Variants in SYNE2 observed in about 807,000 individuals in gnomAD.
The protein encoded by SYNE2 is nesprin-2.
SYNE2 carries 431 observed loss-of-function variants against 856.3 expected under a neutral mutation model. The observed-to-expected ratio is 0.50, with a 90% CI of 0.47 to 0.55. The LOEUF (loss-of-function observed/expected upper bound fraction) is 0.55, where lower values mean the gene tolerates loss of function less well. SYNE2 is among the 20% of genes least tolerant of loss of function. SYNE2 has a pLI of 0.00. For synonymous variants in SYNE2, 2,923 were observed against 2,872.3 expected, an observed-to-expected ratio of 1.02 and a Z score of -0.56; for missense variants, 8,129 against 8,023.2, an observed-to-expected ratio of 1.01 and a Z score of -0.50.
At chr14:63,936,665 G>A (rs1389415054) in intron 2 of SYNE2, among the ~76,000 whole-genome samples, 1 of 152,198 alleles carries the variant, frequency 6.6e-6, no homozygotes, top group Non-Finnish European at 1.5e-5. Context: ...ATGGTGCTGG[G>A]GCTTGTAGCC....
chr14:63,872,849 C>T (rs2094620019), intron 1 of SYNE2, among the ~76,000 whole-genome samples: 1 of 151,128 alleles, frequency 6.6e-6, no homozygotes, highest in South Asian at 2.1e-4. Context: ...GCTATCTTTC[C>T]TCTCAACTGT....
chr14:63,888,425 A>G (rs1213261739), intron 1 of SYNE2, among the ~76,000 whole-genome samples: 1 of 152,132 alleles, frequency 6.6e-6, no homozygotes, highest in African/African-American at 2.4e-5. Flanking sequence ...GCTTGGTTAT[A>G]TTCTAGCCTG....
At chr14:63,849,720 G>A (rs150189453), upstream of SYNE2, among the ~76,000 whole-genome samples, 20 of 152,292 alleles carry the variant, frequency 1.3e-4, no homozygotes, top group East Asian at 2.9e-3. Context: ...GAGATCGGGC[G>A]ACAGGGAGGA....
At chr14:64,026,309 T>G (rs1024417238) in intron 41 of SYNE2, among the ~76,000 whole-genome samples, 4 of 152,198 alleles carry the variant, frequency 2.6e-5, no homozygotes, top group Admixed American at 6.5e-5. Flanking sequence ...GGAAGAGGTT[T>G]TGCCAGGGTT....
At chr14:63,773,613 A>AT (rs1887002711) in intron 1 of SYNE2, among the ~76,000 whole-genome samples, 1 of 152,150 alleles carries the variant, frequency 6.6e-6, no homozygotes, top group Admixed American at 6.6e-5. Context: ...TATAGTGATT[A>AT]TTTACAAGTG....
rs1288182390 is a variant in SYNE2, at chr14:64,002,994, A to G, written c.4061A>G (p.Gln1354Arg). 1 of 1,614,216 alleles carries G rather than the reference A, an allele frequency of 6.2e-7. No homozygotes were observed. The highest frequency in any genetic ancestry group is 8.5e-7 in the Non-Finnish European group (1 of 1,180,032). The change falls in exon 30 of 116, where the codon CAA becomes CGA. Residue 1354 changes from glutamine to arginine, a missense_variant. Around this residue, in one of 3 missense-constraint regions of SYNE2, gnomAD observed 2,422 missense variants for 2,357.4 expected, o/e 1.03. Transcript: ENST00000555002. ...TCAGCCTCAGATACACAGGTGGCAC[A>G]AGAAAATACGTTGACAGTAAAAAAT... ...DLSASDTQVA[Q>R]ENTLTVKNKE...
chr14:63,781,290 AAAAG>A (rs1439766223), intron 1 of SYNE2, among the ~76,000 whole-genome samples: 12 of 152,112 alleles, frequency 7.9e-5, no homozygotes, highest in Admixed American at 4.6e-4. Context: ...AAAAAAAAAA[AAAAG>A]AAAGATTTGT....
rs549700716 is a variant in SYNE2, at chr14:64,040,501, C to A, written c.7222-7499C>A. On this transcript the variant is annotated intron_variant, in intron 45 of 115. Transcript: ENST00000555002. Reference sequence around the variant, plus strand: ...AATTAAGCAGCAAATTTGACATAGTCTGAAGAGACTTAGTTAGAATATATG... The same window carrying A: ...AATTAAGCAGCAAATTTGACATAGTATGAAGAGACTTAGTTAGAATATATG... Among the ~76,000 whole-genome samples, 18 of 151,418 alleles carry A rather than the reference C, an allele frequency of 1.2e-4. No individual in the cohort carries two copies. In the South Asian group the frequency reaches 3.7e-3, roughly 31 times the overall value.
At chr14:64,028,248 C>T (rs983403060) in intron 43 of SYNE2, among the ~76,000 whole-genome samples, 26 of 151,428 alleles carry the variant, frequency 1.7e-4, no homozygotes, top group African/African-American at 6.3e-4. Context: ...TTTGATTGAT[C>T]CTGTTTATTT....
chr14:63,956,691 G>GA (rs901083757), intron 8 of SYNE2, among the ~76,000 whole-genome samples: 13 of 145,994 alleles, frequency 8.9e-5, no homozygotes, highest in African/African-American at 1.3e-4. Flanking sequence ...AAAATATTTG[G>GA]AAAAAAAAAA....
chr14:64,041,857 AAAAAAG>A (rs1363756536), intron 45 of SYNE2, among the ~76,000 whole-genome samples: 1 of 151,964 alleles, frequency 6.6e-6, no homozygotes, highest in East Asian at 1.9e-4. Flanking sequence ...CTTAAAAAAA[AAAAAAG>A]AAAAAAGAAA....
At chr14:63,852,609 C>T (rs954321009), upstream of SYNE2, among the ~76,000 whole-genome samples, 2 of 152,164 alleles carry the variant, frequency 1.3e-5, no homozygotes, top group Admixed American at 6.5e-5. Flanking sequence ...ATGACTTGCT[C>T]ATGGTCTGGT....
intron 1 of SYNE2, among the ~76,000 whole-genome samples, chr14:63,866,668 T>C (rs913357896): frequency 5.3e-5 from 8 of 152,160 alleles, no homozygotes; most frequent in Admixed American, 5.2e-4. Flanking sequence ...TTGAAAATAA[T>C]GATAAAACAG....
rs962756182 is a variant in SYNE2 at position 63,996,441 on chromosome 14, T to C, written c.2941-506T>C. ...AATTCCAGGCATCTTAGAAGGCCAC[T>C]TAGTTCCTTCACTGCCTGGTCCAGG... On this transcript the variant is annotated intron_variant, in intron 23 of 115. Coordinates refer to ENST00000555002, the MANE Select transcript of SYNE2 (RefSeq NM_182914.3). 1.1e-4 allele frequency among the ~76,000 whole-genome samples: 16 copies of C among 152,190 alleles called. 1 individual carries two copies. Among genetic ancestry groups the C allele is most frequent in the Admixed American group, 9.2e-4 (14 of 15,288 alleles).
intron 113 of SYNE2, 64 bp from the exon 114 acceptor site, chr14:64,224,397 C>CTA (rs1403924728): frequency 1.6e-6 from 2 of 1,232,842 alleles, no homozygotes; most frequent in African/African-American, 1.5e-5. Context: ...GGAGGGTGAG[C>CTA]TATATCATGA....
intron 1 of SYNE2, among the ~76,000 whole-genome samples, chr14:63,831,688 T>C (rs1332560983): frequency 1.3e-5 from 2 of 151,618 alleles, no homozygotes; most frequent in African/African-American, 4.8e-5. Flanking sequence ...CCTGAGTAGC[T>C]GATACTACAG....
intron 34 of SYNE2, among the ~76,000 whole-genome samples, chr14:64,019,155 C>T (rs2096917243): frequency 6.6e-6 from 1 of 152,044 alleles, no homozygotes; most frequent in Non-Finnish European, 1.5e-5. Flanking sequence ...TGCCTTTAAT[C>T]CCAGCTATAT....
chr14:64,149,388 C>A (rs1394184217), intron 84 of SYNE2, among the ~76,000 whole-genome samples: 4 of 152,170 alleles, frequency 2.6e-5, no homozygotes, highest in African/African-American at 9.7e-5. Flanking sequence ...CAGAATGCTT[C>A]AGTTCAGGTA....
At chr14:64,190,033 C>T (rs775324506) in intron 98 of SYNE2, 38 bp from the exon 99 acceptor site, 93 of 1,608,218 alleles carry the variant, frequency 5.8e-5, no homozygotes, top group Non-Finnish European at 7.6e-5. Flanking sequence ...TGAGTTTGGG[C>T]TAATTAGCCA....
Sources: gnomAD v4.1 joint callset for allele counts (sites outside exome capture counted in the v4.1 genomes callset) on GRCh38, gnomAD v4.1.1 for gene constraint, gnomAD v4.1.1 regional missense constraint, MANE v1.5 for transcripts, NCBI Gene and HGNC (gene_info 2026-07-23, HGNC 2026-07-21) for gene names.